Variants in FGGY observed in about 807,000 individuals in gnomAD.
The protein encoded by FGGY is FGGY carbohydrate kinase domain containing, also known as FGGY carbohydrate kinase domain-containing protein.
Under a neutral mutation model 71.3 loss-of-function variants are expected in FGGY, and 72 were observed. The observed-to-expected ratio is 1.01, with a 90% CI of 0.84 to 1.23. FGGY has a LOEUF of 1.23. Ranked by LOEUF, FGGY falls within the 50% of genes most tolerant of loss-of-function variation. The pLI is 0.00. For synonymous variants in FGGY, 251 were observed against 250.3 expected (o/e 1.00, Z -0.02); for missense variants, 668 against 682.3 (o/e 0.98, Z 0.23).
At chr1:59,491,037 T>TCTCTCCCTCCCTC (rs2093818796) in intron 6 of FGGY, among the ~76,000 whole-genome samples, 1 of 180 alleles carries the variant, frequency 5.6e-3, no homozygotes, top group South Asian at 0.083. Flanking sequence ...TCCTTTCCTT[T>TCTCTCCCTCCCTC]CCTTCCTTCC....
intron 8 of FGGY, among the ~76,000 whole-genome samples, chr1:59,580,738 G>A (rs780574652): frequency 2.6e-5 from 4 of 152,000 alleles, no homozygotes; most frequent in Admixed American, 6.6e-5. Context: ...CTATTCTACC[G>A]CATGTATTTT....
intron 5 of FGGY, among the ~76,000 whole-genome samples, chr1:59,390,896 C>A (rs757984291): frequency 6.6e-6 from 1 of 152,132 alleles, no homozygotes. Flanking sequence ...TTAATACATT[C>A]ATTCATTCAC....
chr1:59,601,567 TG>T (rs2096578640), intron 8 of FGGY, among the ~76,000 whole-genome samples: 2 of 152,322 alleles, frequency 1.3e-5, no homozygotes, highest in South Asian at 4.1e-4. Context: ...AGCTATAATA[TG>T]GGCTGACTGT....
chr1:59,665,173 C>CA (rs2097311992), intron 12 of FGGY, among the ~76,000 whole-genome samples: 1 of 151,470 alleles, frequency 6.6e-6, no homozygotes, highest in Non-Finnish European at 1.5e-5. Context: ...TTGTATGTGA[C>CA]TTTTTTTTTC....
At chr1:59,699,510 A>C (rs1166908071) in intron 14 of FGGY, 2 of 674,212 alleles carry the variant, frequency 3.0e-6, no homozygotes, top group East Asian at 2.7e-4. Context: ...TGGATAGAAA[A>C]AGTATTTGTG....
chr1:59,668,043 C>A (rs1232021592), intron 13 of FGGY, among the ~76,000 whole-genome samples: 1 of 152,124 alleles, frequency 6.6e-6, no homozygotes. Flanking sequence ...CCCTGAGATC[C>A]TGTGATTCCT....
intron 8 of FGGY, among the ~76,000 whole-genome samples, chr1:59,601,301 C>G (rs112040465): frequency 6.6e-6 from 1 of 152,180 alleles, no homozygotes; most frequent in Non-Finnish European, 1.5e-5. Context: ...GGAGCAGCTC[C>G]CCACTCTGAG....
At chr1:59,460,433 C>G (rs918864859) in intron 6 of FGGY, among the ~76,000 whole-genome samples, 1 of 152,214 alleles carries the variant, frequency 6.6e-6, no homozygotes, top group African/African-American at 2.4e-5. Flanking sequence ...CACAGCTCAT[C>G]TAGGCCTCCC....
intron 6 of FGGY, among the ~76,000 whole-genome samples, chr1:59,484,657 A>G (rs772921379): frequency 1.3e-5 from 2 of 152,198 alleles, no homozygotes; most frequent in African/African-American, 4.8e-5. Context: ...TTGGTAATAA[A>G]AAGTACTCAG....
chr1:59,464,169 C>T (rs1218799424), intron 6 of FGGY, among the ~76,000 whole-genome samples: 2 of 152,212 alleles, frequency 1.3e-5, no homozygotes, highest in Non-Finnish European at 1.5e-5. Context: ...AACTGTCTTT[C>T]AGACCACAGT....
chr1:59,311,678 T>C (rs2044364373), intron 1 of FGGY, among the ~76,000 whole-genome samples: 1 of 152,232 alleles, frequency 6.6e-6, no homozygotes, highest in African/African-American at 2.4e-5. Flanking sequence ...GACTTTGCTA[T>C]TGTAAACAGT....
intron 10 of FGGY, among the ~76,000 whole-genome samples, chr1:59,637,353 C>A (rs1039807616): frequency 3.3e-5 from 5 of 152,230 alleles, no homozygotes; most frequent in African/African-American, 7.2e-5. Flanking sequence ...AGAAAAAAAA[C>A]CAGGCGAGGT....
chr1:59,519,967 G>A (rs2094778392), intron 7 of FGGY, among the ~76,000 whole-genome samples: 1 of 152,208 alleles, frequency 6.6e-6, no homozygotes, highest in African/African-American at 2.4e-5. Context: ...GGACAGTTTT[G>A]TTTATTGCTT....
chr1:59,642,621 G>A (rs12125829), intron 11 of FGGY, among the ~76,000 whole-genome samples: 70,358 of 130,460 alleles, frequency 0.54, 20,161 homozygotes, highest in East Asian at 0.7. Context: ...GCGAGACTCC[G>A]TCTCAAAAAA....
At chr1:59,586,456 A>G (rs1377199195) in intron 8 of FGGY, among the ~76,000 whole-genome samples, 1 of 152,074 alleles carries the variant, frequency 6.6e-6, no homozygotes, top group Non-Finnish European at 1.5e-5. Context: ...GAATTGAACA[A>G]TGAGAACACA....
intron 14 of FGGY, among the ~76,000 whole-genome samples, chr1:59,721,834 G>C (rs914137355): frequency 6.6e-6 from 1 of 152,018 alleles, no homozygotes; most frequent in Admixed American, 6.6e-5. Flanking sequence ...GAACAAGTTA[G>C]CATTAGCTGG....
intron 13 of FGGY, among the ~76,000 whole-genome samples, chr1:59,672,702 G>A (rs529951845): frequency 8.1e-4 from 123 of 152,304 alleles, no homozygotes; most frequent in African/African-American, 2.6e-3. Flanking sequence ...GAAGTAATGG[G>A]ATGTAGAGAG....
intron 8 of FGGY, among the ~76,000 whole-genome samples, chr1:59,593,098 G>A (rs796215879): frequency 8.0e-4 from 122 of 152,318 alleles, no homozygotes; most frequent in African/African-American, 2.9e-3. Context: ...AGAGAGCTAG[G>A]GAAGGCCCCA....
chr1:59,580,061 CCCTT>C (rs1399837940), intron 8 of FGGY, among the ~76,000 whole-genome samples: 1 of 152,110 alleles, frequency 6.6e-6, no homozygotes, highest in African/African-American at 2.4e-5. Flanking sequence ...CTCACTCACT[CCCTT>C]CCAGTCTCTG....
Sources: gnomAD v4.1 joint callset for allele counts (sites outside exome capture counted in the v4.1 genomes callset) on GRCh38, gnomAD v4.1.1 for gene constraint, MANE v1.5 for transcripts, NCBI Gene and HGNC (gene_info 2026-07-23, HGNC 2026-07-21) for gene names.